The following SGCZ variants were observed in gnomAD, a reference collection of about 807,000 sequenced individuals.
SGCZ encodes the protein sarcoglycan zeta, also known as zeta-sarcoglycan.
A neutral mutation model predicts 41.3 loss-of-function variants in SGCZ; 40 were observed. That is an observed-to-expected ratio of 0.97 (90% CI 0.75 to 1.26). The LOEUF (loss-of-function observed/expected upper bound fraction) is 1.26, where lower values mean the gene tolerates loss of function less well. Among genes scored for constraint, SGCZ ranks in the 50% most tolerant of loss-of-function variants. The probability of loss-of-function intolerance (pLI) is 0.00; values close to 1 mark genes in which losing one functional copy is unlikely to be tolerated. For missense variants in SGCZ, 552 were observed against 369.8 expected, an observed-to-expected ratio of 1.49 and a Z score of -4.04; for synonymous variants, 206 against 137.5, an observed-to-expected ratio of 1.50 and a Z score of -3.49.
At chr8:14,205,916 T>C (rs1343955318) in intron 4 of SGCZ, among the ~76,000 whole-genome samples, 1 of 152,106 alleles carries the variant, frequency 6.6e-6, no homozygotes, top group African/African-American at 2.4e-5. Flanking sequence ...TCATAGGGCA[T>C]TTTTCTCTAT....
At chr8:14,174,678 A>G (rs1016439905) in intron 4 of SGCZ, among the ~76,000 whole-genome samples, 8 of 152,132 alleles carry the variant, frequency 5.3e-5, no homozygotes, top group African/African-American at 1.9e-4. Context: ...CCTAATACTG[A>G]CCTCTCAATA....
At chr8:15,050,359 G>A (rs544810990) in intron 1 of SGCZ, among the ~76,000 whole-genome samples, 2 of 152,172 alleles carry the variant, frequency 1.3e-5, no homozygotes, top group Non-Finnish European at 2.9e-5. Flanking sequence ...AAATTGGGAA[G>A]AGCTAACCTA....
At chr8:14,184,730 T>C (rs1290842803) in intron 4 of SGCZ, among the ~76,000 whole-genome samples, 1 of 152,220 alleles carries the variant, frequency 6.6e-6, no homozygotes, top group Non-Finnish European at 1.5e-5. Flanking sequence ...AAGCAGTGTT[T>C]AAGAAGAGAA....
intron 4 of SGCZ, among the ~76,000 whole-genome samples, chr8:14,190,995 C>T (rs1305986139): frequency 6.6e-6 from 1 of 152,170 alleles, no homozygotes; most frequent in Non-Finnish European, 1.5e-5. Flanking sequence ...TCGTCACATC[C>T]TCGTCAACAC....
intron 1 of SGCZ, among the ~76,000 whole-genome samples, chr8:15,056,198 T>G (rs1242846013): frequency 6.6e-6 from 1 of 152,196 alleles, no homozygotes; most frequent in Non-Finnish European, 1.5e-5. Context: ...AAGGACTCTT[T>G]CCTTCCAGAC....
chr8:14,570,397 C>G (rs1804514513), intron 1 of SGCZ, among the ~76,000 whole-genome samples: 1 of 152,154 alleles, frequency 6.6e-6, no homozygotes, highest in Non-Finnish European at 1.5e-5. Flanking sequence ...AATTTCAATA[C>G]TCTTCTTGCT....
intron 2 of SGCZ, among the ~76,000 whole-genome samples, chr8:14,477,024 C>T (rs76545671): frequency 5.8e-4 from 89 of 152,262 alleles, no homozygotes; most frequent in African/African-American, 2.1e-3. Context: ...TTGAGGACTG[C>T]CTACTGGTTG....
At chr8:14,389,062 A>C (rs1804670637) in intron 2 of SGCZ, among the ~76,000 whole-genome samples, 1 of 152,062 alleles carries the variant, frequency 6.6e-6, no homozygotes, top group Non-Finnish European at 1.5e-5. Context: ...CACCAATTTT[A>C]ATTTTTAGAT....
At chr8:15,053,167 G>A (rs1804579508) in intron 1 of SGCZ, among the ~76,000 whole-genome samples, 1 of 152,070 alleles carries the variant, frequency 6.6e-6, no homozygotes, top group South Asian at 2.1e-4. Flanking sequence ...TGATTTCACA[G>A]CAAATCTTTT....
chr8:14,594,294 T>A (rs980909465), intron 1 of SGCZ, among the ~76,000 whole-genome samples: 6 of 152,068 alleles, frequency 3.9e-5, no homozygotes, highest in African/African-American at 1.4e-4. Context: ...AGGATTTGCA[T>A]CTTTATCAAG....
chr8:14,371,559 T>C (rs1803910143), intron 2 of SGCZ, among the ~76,000 whole-genome samples: 1 of 152,118 alleles, frequency 6.6e-6, no homozygotes, highest in Admixed American at 6.6e-5. Flanking sequence ...CATTCTAAGA[T>C]GATCTCTGAA....
intron 1 of SGCZ, among the ~76,000 whole-genome samples, chr8:14,574,908 A>C: frequency 6.6e-6 from 1 of 152,332 alleles, no homozygotes; most frequent in Middle Eastern, 3.4e-3. Context: ...GAAATTAAAA[A>C]TAACTTCTTG....
At chr8:14,538,513 T>C (rs974780842) in intron 2 of SGCZ, among the ~76,000 whole-genome samples, 2 of 152,104 alleles carry the variant, frequency 1.3e-5, no homozygotes, top group South Asian at 4.1e-4. Flanking sequence ...AGGGTTTCTG[T>C]GGTGAAATTA....
intron 2 of SGCZ, among the ~76,000 whole-genome samples, chr8:14,344,807 A>G (rs1183366616): frequency 6.6e-6 from 1 of 151,998 alleles, no homozygotes; most frequent in Non-Finnish European, 1.5e-5. Context: ...TGATATAGCA[A>G]CATAAACCCA....
intron 1 of SGCZ, among the ~76,000 whole-genome samples, chr8:14,904,057 CT>C (rs1799051080): frequency 6.6e-6 from 1 of 151,996 alleles, no homozygotes; most frequent in Non-Finnish European, 1.5e-5. Context: ...AAGGTATTAA[CT>C]TGTTGATAAA....
chr8:14,717,146 A>C (rs1329581573), intron 1 of SGCZ, among the ~76,000 whole-genome samples: 1 of 152,110 alleles, frequency 6.6e-6, no homozygotes, highest in Non-Finnish European at 1.5e-5. Context: ...AGATTACTCA[A>C]TATTATTTTG....
At chr8:14,983,785 T>C (rs1801745961) in intron 1 of SGCZ, among the ~76,000 whole-genome samples, 2 of 152,206 alleles carry the variant, frequency 1.3e-5, no homozygotes, top group African/African-American at 4.8e-5. Flanking sequence ...TACTGGGCCC[T>C]GGTTTTCTAC....
intron 2 of SGCZ, among the ~76,000 whole-genome samples, chr8:14,371,669 A>G (rs1385010267): frequency 6.6e-6 from 1 of 152,108 alleles, no homozygotes; most frequent in East Asian, 1.9e-4. Flanking sequence ...TCAAAAATCA[A>G]TCAGTTAACC....
chr8:15,011,172 T>G (rs1802813876), intron 1 of SGCZ, among the ~76,000 whole-genome samples: 1 of 152,212 alleles, frequency 6.6e-6, no homozygotes, highest in Middle Eastern at 3.2e-3. Context: ...TGCTTAAATG[T>G]TTAGAAAATT....
Sources: gnomAD v4.1 joint callset for allele counts (sites outside exome capture counted in the v4.1 genomes callset) on GRCh38, gnomAD v4.1.1 for gene constraint, MANE v1.5 for transcripts, NCBI Gene and HGNC (gene_info 2026-07-23, HGNC 2026-07-21) for gene names.